Variants in SLC13A3 observed in about 807,000 individuals in gnomAD.
SLC13A3 encodes the protein Na(+)/dicarboxylate cotransporter 3.
SLC13A3 carries 40 observed loss-of-function variants against 59.0 expected under a neutral mutation model. The observed-to-expected ratio is 0.68, with a 90% CI of 0.53 to 0.88. SLC13A3 has a LOEUF of 0.88. SLC13A3 is among the 40% of genes least tolerant of loss of function. The pLI, the probability that SLC13A3 is intolerant of heterozygous loss-of-function variation, is 0.00. For synonymous variants in SLC13A3, 317 were observed against 330.3 expected, an observed-to-expected ratio of 0.96 and a Z score of 0.44; for missense variants, 699 against 783.2, an observed-to-expected ratio of 0.89 and a Z score of 1.28.
Position 46,583,679 on chromosome 20 carries a change from GA to G in SLC13A3, c.1122-11del, listed in dbSNP as rs772165231. 6.2e-7 allele frequency: 1 copy of G among 1,613,914 alleles called. No individual in the cohort carries two copies. The highest frequency in any genetic ancestry group is 1.7e-5 in the Admixed American group (1 of 59,984). The stretch of plus-strand genomic sequence containing the variant: ...AGCATCAGAAAGAAACCTACAATGA[GA>G]AGGCCCCAAATCACGTGACCATGGG... On this transcript the variant is annotated splice_polypyrimidine_tract_variant and intron_variant, in intron 8 of 12. Transcript: ENST00000279027.
At chr20:46,612,599 T>G (rs529012160) in intron 2 of SLC13A3, among the ~76,000 whole-genome samples, 959 of 95,718 alleles carry the variant, frequency 0.01, 5 homozygotes, top group Non-Finnish European at 0.013. Flanking sequence ...GGCACAGGTG[T>G]CTGTGTTCAA....
intron 12 of SLC13A3, among the ~76,000 whole-genome samples, chr20:46,562,982 G>T (rs1015929905): frequency 6.6e-6 from 1 of 152,202 alleles, no homozygotes; most frequent in Admixed American, 6.5e-5. Flanking sequence ...CCTTCCGGGG[G>T]AGGGAACATA....
intron 1 of SLC13A3, among the ~76,000 whole-genome samples, 193 bp downstream of exon 1, chr20:46,651,118 G>C (rs2062947582): frequency 6.6e-6 from 1 of 152,160 alleles, no homozygotes; most frequent in South Asian, 2.1e-4. Flanking sequence ...CAAGCTCTAA[G>C]GAGCAGCTGG....
intron 8 of SLC13A3, chr20:46,584,148 T>C: frequency 1.0e-6 from 1 of 985,304 alleles, no homozygotes; most frequent in Non-Finnish European, 1.2e-6. Context: ...AAAACCTAAC[T>C]GTCACGTTTC....
At chr20:46,581,092 C>T (rs1225358608) in intron 9 of SLC13A3, among the ~76,000 whole-genome samples, 1 of 152,232 alleles carries the variant, frequency 6.6e-6, no homozygotes, top group Non-Finnish European at 1.5e-5. Flanking sequence ...CTGTGCACTG[C>T]TGTGTCAATA....
At chr20:46,683,804 G>A (rs1453718225) in intron 1 of SLC13A3, among the ~76,000 whole-genome samples, 2 of 152,176 alleles carry the variant, frequency 1.3e-5, no homozygotes, top group Non-Finnish European at 2.9e-5. Context: ...CTCAGTGGCT[G>A]CCAGGTCCTG....
intron 1 of SLC13A3, among the ~76,000 whole-genome samples, chr20:46,620,312 T>G (rs555096611): frequency 7.2e-5 from 11 of 152,326 alleles, no homozygotes; most frequent in African/African-American, 2.6e-4. Flanking sequence ...AAAAAGTTCA[T>G]GAAAAGTATG....
intron 3 of SLC13A3, among the ~76,000 whole-genome samples, chr20:46,606,514 A>G (rs1025183794): frequency 9.2e-5 from 14 of 152,206 alleles, no homozygotes; most frequent in African/African-American, 2.4e-5. Flanking sequence ...CTATGGACAG[A>G]GAAAAGGAGG....
intron 1 of SLC13A3, among the ~76,000 whole-genome samples, chr20:46,667,595 T>C (rs2063068699): frequency 6.6e-6 from 1 of 152,190 alleles, no homozygotes; most frequent in Non-Finnish European, 1.5e-5. Context: ...CCTTATAAAA[T>C]CCATGCATTA....
chr20:46,563,591 A>C, intron 11 of SLC13A3, 40 bp from the exon 12 acceptor site: 1 of 1,587,942 alleles, frequency 6.3e-7, no homozygotes, highest in Non-Finnish European at 8.6e-7. Context: ...GAGAGAGACC[A>C]ACGCAGAGCG....
In SLC13A3 at chr20:46,613,664, G is replaced by A. The variant is rs377469850; in HGVS notation, c.173C>T (p.Pro58Leu). Residue 58 changes from proline to leucine, a missense_variant, in exon 2 of 13, where the codon CCG becomes CTG. Pro to Leu is a moderately conservative substitution (Grantham distance 98). Transcript: ENST00000279027. ...GGGCAGCAGCGCCGTCACTGAGAGC[G>A]GCAGGGCCTCCGTGCACCAGTACAC... Reference protein sequence around the residue: ...MAVYWCTEALPLSVTALLPIV... With the variant: ...MAVYWCTEALLLSVTALLPIV... 9.3e-6 allele frequency: 15 copies of A among 1,612,060 alleles called. No individual in the cohort carries two copies. The Admixed American group carries it at 1.5e-4, about 16-fold the overall frequency.
chr20:46,563,467 T>A lies in SLC13A3; in HGVS notation c.1579A>T (p.Thr527Ser), dbSNP rs759322690. ...GCGAAGGCGATGGAGTTGGGGGGCGTTGAGACCGGGAGCATGAAGGCAAAG... is the reference window on the plus strand; with the variant it reads ...GCGAAGGCGATGGAGTTGGGGGGCGATGAGACCGGGAGCATGAAGGCAAAG... ...CSFAFMLPVS[T>S]PPNSIAFASG... The change falls in exon 12 of 13, where the codon ACG becomes TCG. Residue 527 changes from threonine to serine, a missense_variant. Thr to Ser is a moderately conservative substitution (Grantham distance 58). Transcript: ENST00000279027. 3 of 1,614,016 alleles carry A rather than the reference T, an allele frequency of 1.9e-6. No homozygotes were observed. In the Admixed American group the frequency reaches 5.0e-5, roughly 27 times the overall value.
intron 3 of SLC13A3, chr20:46,609,020 C>T: frequency 3.2e-6 from 5 of 1,550,618 alleles, no homozygotes; most frequent in Non-Finnish European, 4.4e-6. Context: ...CTTGAAGTTT[C>T]AGCCTTTCCT....
At chr20:46,657,772 CG>C (rs2063003980) in intron 1 of SLC13A3, among the ~76,000 whole-genome samples, 1 of 152,116 alleles carries the variant, frequency 6.6e-6, no homozygotes, top group Non-Finnish European at 1.5e-5. Flanking sequence ...AGCTTTTACT[CG>C]TGGCAGAAGG....
intron 1 of SLC13A3, among the ~76,000 whole-genome samples, chr20:46,679,597 G>C (rs1193060564): frequency 6.6e-6 from 1 of 151,248 alleles, no homozygotes; most frequent in African/African-American, 2.4e-5. Flanking sequence ...CTGGGCGACA[G>C]AGCGAGACTC....
At chr20:46,645,888 T>A (rs969997070) in intron 1 of SLC13A3, among the ~76,000 whole-genome samples, 1 of 152,202 alleles carries the variant, frequency 6.6e-6, no homozygotes, top group Non-Finnish European at 1.5e-5. Flanking sequence ...TAAGTTTTTT[T>A]AAAAGGAGAG....
intron 10 of SLC13A3, among the ~76,000 whole-genome samples, chr20:46,567,227 A>C (rs1389273682): frequency 1.3e-5 from 2 of 152,176 alleles, no homozygotes; most frequent in African/African-American, 4.8e-5. Context: ...ATATACACAC[A>C]TACAGTAATA....
chr20:46,680,829 C>G (rs959833105), intron 1 of SLC13A3, among the ~76,000 whole-genome samples: 2 of 152,208 alleles, frequency 1.3e-5, no homozygotes, highest in Non-Finnish European at 2.9e-5. Flanking sequence ...AAGGGCAGCT[C>G]AACTGTATCT....
chr20:46,671,310 T>C (rs574617847), upstream of SLC13A3, among the ~76,000 whole-genome samples: 1 of 152,250 alleles, frequency 6.6e-6, no homozygotes, highest in African/African-American at 2.4e-5. Context: ...ATGCAATTGG[T>C]CAAGTCCTCT....
Sources: gnomAD v4.1 joint callset for allele counts (sites outside exome capture counted in the v4.1 genomes callset) on GRCh38, gnomAD v4.1.1 for gene constraint, MANE v1.5 for transcripts, NCBI Gene and HGNC (gene_info 2026-07-23, HGNC 2026-07-21) for gene names.